The following TRPM7 variants were observed in gnomAD, a reference collection of about 807,000 sequenced individuals.
TRPM7 encodes the protein transient receptor potential cation channel subfamily M member 7.
A neutral mutation model predicts 229.7 loss-of-function variants in TRPM7; 134 were observed. That is an observed-to-expected ratio of 0.58 (90% confidence interval 0.51 to 0.67). The LOEUF (loss-of-function observed/expected upper bound fraction) is 0.67. Ranked by LOEUF, TRPM7 falls within the 30% of genes least tolerant of loss-of-function variation. TRPM7 has a pLI of 0.00. For synonymous variants in TRPM7, 699 were observed against 715.2 expected (o/e 0.98, Z 0.36); for missense variants, 1,901 against 2,210.0 (o/e 0.86, Z 2.80).
chr15:50,638,595 T>C (rs1230460087), intron 6 of TRPM7, among the ~76,000 whole-genome samples: 7 of 152,066 alleles, frequency 4.6e-5, no homozygotes, highest in Non-Finnish European at 1.0e-4. Flanking sequence ...AATATTGCTA[T>C]TTTTCCAGCC....
At chr15:50,628,728 C>T (rs1315593393) in intron 10 of TRPM7, among the ~76,000 whole-genome samples, 2 of 152,166 alleles carry the variant, frequency 1.3e-5, no homozygotes, top group South Asian at 2.1e-4. Context: ...TTTACCTTTC[C>T]AGCTATAAAC....
At position 50,686,568 on chromosome 15, in the gene TRPM7, C is replaced by T. The variant is rs760675829; in HGVS notation, c.-35G>A. 3.6e-5 allele frequency: 58 copies of T among 1,608,478 alleles called. 2 individuals carry two copies. In the South Asian group the frequency reaches 6.2e-4, roughly 17 times the overall value. On this transcript the variant is annotated 5_prime_UTR_variant, in exon 1 of 39. Coordinates refer to ENST00000646667, the MANE Select transcript of TRPM7 (RefSeq NM_017672.6). The stretch of plus-strand genomic sequence containing the variant: ...GGGGCGGACTCCGGAAGGGCAGCAA[C>T]TCCACCTCCTCCTCCTCCGCGGCCT...
In TRPM7 at chr15:50,637,426, A is replaced by G; in HGVS notation, c.828T>C (p.His276=). 6.2e-7 allele frequency: 1 copy of G among 1,612,264 alleles called. No homozygotes were observed. Among genetic ancestry groups the G allele is most frequent in the Non-Finnish European group, 8.5e-7 (1 of 1,179,238 alleles). ...LEKTINQQRI[H]ARIGQGVPVV... ...CAAATTTGTGAATTCACTTACTAGC[A>G]TGAATTCTTTGCTGATTAATAGTTT... The change falls in exon 7 of 39, where the codon CAT becomes CAC. Residue 276 remains histidine (H), a synonymous_variant. Coordinates refer to ENST00000646667, the MANE Select transcript of TRPM7 (RefSeq NM_017672.6).
chr15:50,674,730 T>C (rs149598745), intron 1 of TRPM7, among the ~76,000 whole-genome samples: 2,564 of 152,298 alleles, frequency 0.017, 35 homozygotes, highest in South Asian at 0.038. Flanking sequence ...GTCTAGTCTC[T>C]GAGCTTTTGT....
At chr15:50,639,101 CTCA>C (rs1373092479) in intron 6 of TRPM7, among the ~76,000 whole-genome samples, 1 of 152,196 alleles carries the variant, frequency 6.6e-6, no homozygotes, top group African/African-American at 2.4e-5. Context: ...AAAATTAATT[CTCA>C]TGTCATGTAG....
intron 16 of TRPM7, among the ~76,000 whole-genome samples, chr15:50,611,558 C>T (rs2060062981): frequency 6.6e-6 from 1 of 152,160 alleles, no homozygotes; most frequent in Admixed American, 6.6e-5. Context: ...AGCACATTCT[C>T]CCGGTCCTAG....
At chr15:50,583,057 A>AAT in intron 29 of TRPM7, 32 bp downstream of exon 29, 1 of 1,431,332 alleles carries the variant, frequency 7.0e-7, no homozygotes, top group Non-Finnish European at 9.4e-7. Context: ...TGTATTTAAT[A>AAT]ATATATATCT....
intron 12 of TRPM7, among the ~76,000 whole-genome samples, chr15:50,621,847 C>G (rs759856586): frequency 2.0e-5 from 3 of 151,934 alleles, no homozygotes; most frequent in Non-Finnish European, 4.4e-5. Flanking sequence ...CTGGCCAACA[C>G]GGTGAAACCT....
intron 21 of TRPM7, among the ~76,000 whole-genome samples, chr15:50,602,704 A>G (rs1177533759): frequency 6.6e-6 from 1 of 152,204 alleles, no homozygotes; most frequent in Non-Finnish European, 1.5e-5. Context: ...AGCTTAGTTT[A>G]ACTCTTAACA....
At position 50,592,167 on chromosome 15, in the gene TRPM7, G is replaced by A. The variant is rs1251474339; in HGVS notation, c.4068C>T (p.Phe1356=). 1 of 1,613,906 alleles carries A rather than the reference G, an allele frequency of 6.2e-7. No homozygotes were observed. The change falls in exon 26 of 39, where the codon TTC becomes TTT. Residue 1356 remains phenylalanine (F), a synonymous_variant. Transcript: ENST00000646667. ...GTTCTGGAGGGGAAACAGCACTTGG[G>A]AATAAGGCACCAGAAGAGGAACCAG... ...PEAGSSSGAL[F]PSAVSPPELR...
At chr15:50,602,321 G>A (rs2059802654) in intron 21 of TRPM7, among the ~76,000 whole-genome samples, 1 of 151,332 alleles carries the variant, frequency 6.6e-6, no homozygotes, top group Admixed American at 6.6e-5. Flanking sequence ...CTCACAGGTG[G>A]GAACTGAACA....
At chr15:50,684,959 GATA>G (rs1381834261) in intron 1 of TRPM7, among the ~76,000 whole-genome samples, 25 of 152,304 alleles carry the variant, frequency 1.6e-4, no homozygotes, top group Middle Eastern at 3.4e-3. Flanking sequence ...TTTTAGGCAT[GATA>G]ATAATATTGT....
At chr15:50,680,625 T>C (rs1417841727) in intron 1 of TRPM7, among the ~76,000 whole-genome samples, 2 of 151,944 alleles carry the variant, frequency 1.3e-5, no homozygotes, top group Non-Finnish European at 2.9e-5. Context: ...GTCCTAAGGT[T>C]AATACACAGA....
Position 50,580,863 on chromosome 15 carries a change from A to T in TRPM7, c.4592+11T>A, listed in dbSNP as rs201648939. 6.3e-7 allele frequency: 1 copy of T among 1,582,570 alleles called. No homozygotes were observed. The highest frequency in any genetic ancestry group is 2.3e-5 in the East Asian group (1 of 44,378). On this transcript the variant is annotated intron_variant, in intron 30 of 38. Transcript: ENST00000646667. ...ACTTCGCAAGCTAATGGTAAGAAAA[A>T]GCTTACTTACATTTCTCTGTTTGAT...
intron 12 of TRPM7, among the ~76,000 whole-genome samples, chr15:50,623,490 CCCT>C (rs1333931452): frequency 2.6e-5 from 3 of 114,634 alleles, no homozygotes; most frequent in Admixed American, 9.8e-5. Flanking sequence ...CTGCCCCGCC[CCCT>C]CCCCGCCCCG....
rs144433848 is a variant in TRPM7, at chr15:50,654,224, T to A, written c.122+3557A>T. 1.4e-3 allele frequency among the ~76,000 whole-genome samples: 220 copies of A among 151,810 alleles called. 7 individuals carry two copies. The East Asian group carries it at 0.041, about 28-fold the overall frequency. On this transcript the variant is annotated intron_variant, in intron 3 of 38. Coordinates refer to ENST00000646667, the MANE Select transcript of TRPM7 (RefSeq NM_017672.6). ...ACTTTGGGAGGCCAAGGCGGGCGGA[T>A]CACCTGAGGTCAGGAGTTCCAGACC...
chr15:50,667,347 C>T (rs954767833), intron 1 of TRPM7, among the ~76,000 whole-genome samples: 4 of 152,102 alleles, frequency 2.6e-5, no homozygotes, highest in African/African-American at 7.2e-5. Context: ...ATGGATCTCC[C>T]GCCTATGTAT....
rs1334966530 is a variant in TRPM7, at chr15:50,594,481, C to G, written c.3423G>C (p.Leu1141=). The G allele has an allele frequency of 1.9e-6, 3 of 1,613,026 alleles. No individual in the cohort carries two copies. The change falls in exon 24 of 39, where the codon CTG becomes CTC. Residue 1141 remains leucine (L), a synonymous_variant. Transcript: ENST00000646667. ...TTCTTCTCTTACATATGCAGCAAAA[C>G]AGAGAAACTATATGGCTAAGAATGA... is the stretch of plus-strand genomic sequence containing the variant. ...PLIILSHIVS[L]FCCICKRRKK...
rs756957334 is a variant in TRPM7 at position 50,599,258 on chromosome 15, A to G, written c.3027T>C (p.Leu1009=). ...NMFYIVVIMA[L]VLLSFGVPRK... ...TGGGAACACCAAAACTAAGTAATAC[A>G]AGAGCCATAATCACTACAATGTAGA... Residue 1009 remains leucine, a synonymous_variant, in exon 22 of 39, where the codon CTT becomes CTC. Transcript: ENST00000646667. 1.2e-6 allele frequency: 2 copies of G among 1,613,258 alleles called. No homozygotes were observed. Among genetic ancestry groups the G allele is most frequent in the South Asian group, 2.2e-5 (2 of 91,010 alleles).
Sources: allele counts gnomAD v4.1 joint callset (sites outside exome capture counted in the v4.1 genomes callset), GRCh38; gene constraint gnomAD v4.1.1; transcripts MANE v1.5; gene names NCBI Gene and HGNC (gene_info 2026-07-23, HGNC 2026-07-21).